The following RAVER2 variants were observed in gnomAD, a reference collection of about 807,000 sequenced individuals.
The protein encoded by RAVER2 is ribonucleoprotein, PTB binding 2.
In RAVER2, 46 loss-of-function variants were observed where a neutral mutation model predicts 78.1. The observed-to-expected ratio is 0.59, with a 90% CI of 0.46 to 0.75. RAVER2 has a LOEUF of 0.75. Among genes scored for constraint, RAVER2 ranks in the 30% least tolerant of loss-of-function variants. RAVER2 has a pLI of 0.00. For missense variants in RAVER2, 793 were observed against 837.5 expected, an observed-to-expected ratio of 0.95 and a Z score of 0.66; for synonymous variants, 311 against 313.3, an observed-to-expected ratio of 0.99 and a Z score of 0.08.
chr1:64,757,168 G>T (rs548259423), intron 1 of RAVER2, among the ~76,000 whole-genome samples: 1 of 152,350 alleles, frequency 6.6e-6, no homozygotes, highest in African/African-American at 2.4e-5. Context: ...CATTCACTGA[G>T]TATGTCCTTT....
At chr1:64,761,453 C>T (rs1174541083) in intron 1 of RAVER2, among the ~76,000 whole-genome samples, 1 of 152,282 alleles carries the variant, frequency 6.6e-6, no homozygotes, top group East Asian at 1.9e-4. Context: ...TGGAGATTAA[C>T]TATCATGAAG....
Position 64,745,365 on chromosome 1 carries a change from C to T in RAVER2, c.193C>T (p.Leu65=). 6.5e-7 allele frequency: 1 copy of T among 1,543,654 alleles called. No individual in the cohort carries two copies. Among genetic ancestry groups the T allele is most frequent in the South Asian group, 1.2e-5 (1 of 83,936 alleles). ...GCGACTGCAGCGGATGCAGCGGGAG[C>T]TGAGCAACCGCAGGAAAATCCTGGT... The change falls in exon 1 of 12, where the codon CTG becomes TTG. Residue 65 remains leucine (L), a synonymous_variant. Coordinates refer to ENST00000294428, the Ensembl canonical transcript of RAVER2. The surrounding 1 kb of genome is among the most constrained non-coding windows in gnomAD (Gnocchi z 4.3).
chr1:64,785,676 C>T (rs913074109), intron 4 of RAVER2, among the ~76,000 whole-genome samples: 4 of 151,796 alleles, frequency 2.6e-5, no homozygotes, highest in African/African-American at 9.7e-5. Flanking sequence ...GCCAATTGTC[C>T]CTAACTTTTT....
intron 3 of RAVER2, among the ~76,000 whole-genome samples, chr1:64,779,020 GT>G: frequency 6.7e-6 from 1 of 149,168 alleles, no homozygotes; most frequent in Non-Finnish European, 1.5e-5. Context: ...TAAGTTGACA[GT>G]TAAAATTGTA....
rs373725323 is a variant in RAVER2, at chr1:64,769,464, G to A, written c.316+742G>A. On this transcript the variant is annotated intron_variant, in intron 2 of 11. Transcript: ENST00000294428. ...CAATTTATGCAATTACATTTTGATA[G>A]CCATTAAAGCTGTTCACAAATTCTT... Among the ~76,000 whole-genome samples the A allele has an allele frequency of 2.1e-4, 32 of 152,156 alleles. 7 individuals are homozygous for A. Among genetic ancestry groups the A allele is most frequent in the Admixed American group, 3.9e-4 (6 of 15,260 alleles).
chr1:64,767,961 C>A (rs562324985), intron 1 of RAVER2, among the ~76,000 whole-genome samples: 1 of 151,994 alleles, frequency 6.6e-6, no homozygotes, highest in East Asian at 1.9e-4. Context: ...CAGAATGAAC[C>A]ATAAACCAGT....
chr1:64,828,901 C>T (rs2100906653), intron 11 of RAVER2, among the ~76,000 whole-genome samples: 1 of 152,294 alleles, frequency 6.6e-6, no homozygotes, highest in South Asian at 2.1e-4. Flanking sequence ...TTTTATATCT[C>T]ACATTGGTGT....
At chr1:64,764,111 A>G (rs752279284) in intron 1 of RAVER2, among the ~76,000 whole-genome samples, 1 of 152,208 alleles carries the variant, frequency 6.6e-6, no homozygotes, top group African/African-American at 2.4e-5. Flanking sequence ...TGAATATTGT[A>G]CAGCAATAAA....
At chr1:64,777,032 A>G (rs371703771) in intron 2 of RAVER2, among the ~76,000 whole-genome samples, 2 of 152,264 alleles carry the variant, frequency 1.3e-5, no homozygotes, top group East Asian at 3.9e-4. Context: ...AAGTGTACCA[A>G]ATTAAAAGTG....
At chr1:64,812,681 A>ATTTTTAT (rs1277516129) in intron 9 of RAVER2, 57 bp from the exon 10 acceptor site, 3 of 1,139,532 alleles carry the variant, frequency 2.6e-6, no homozygotes, top group Non-Finnish European at 2.5e-6. Flanking sequence ...TCTATTCTTT[A>ATTTTTAT]TTTTTATTTT....
intron 5 of RAVER2, among the ~76,000 whole-genome samples, chr1:64,802,701 G>A (rs988417514): frequency 6.6e-6 from 1 of 152,140 alleles, no homozygotes. Flanking sequence ...AGGTGGATGT[G>A]TTTTGTTGCA....
chr1:64,764,651 C>T (rs1035408063), intron 1 of RAVER2, among the ~76,000 whole-genome samples: 3 of 152,146 alleles, frequency 2.0e-5, no homozygotes, highest in South Asian at 4.1e-4. Flanking sequence ...ATACAGTTAA[C>T]AACAAAAGGT....
chr1:64,814,650 T>G (rs948405987), intron 10 of RAVER2, 54 bp from the exon 11 acceptor site: 17 of 1,011,070 alleles, frequency 1.7e-5, no homozygotes, highest in Non-Finnish European at 1.8e-5. Context: ...CTAAATAAAA[T>G]AAATTTATAA....
At position 64,794,440 on chromosome 1, in the gene RAVER2, G is replaced by A. The variant is rs371650864; in HGVS notation, c.1105+4926G>A. 2.1e-4 allele frequency among the ~76,000 whole-genome samples: 32 copies of A among 150,112 alleles called. 7 individuals carry two copies. The highest frequency in any genetic ancestry group is 4.0e-4 in the Admixed American group (6 of 15,064). On this transcript the variant is annotated intron_variant, in intron 5 of 11. Transcript: ENST00000294428. The stretch of plus-strand genomic sequence containing the variant: ...AAACTGCCCAGCTGTTTTCCAATGT[G>A]GTTGAGCCATTTTACATACTCACCA...
At chr1:64,822,123 C>T (rs1476329953) in intron 11 of RAVER2, among the ~76,000 whole-genome samples, 2 of 152,128 alleles carry the variant, frequency 1.3e-5, no homozygotes, top group African/African-American at 2.4e-5. Flanking sequence ...CCCGTCTCTA[C>T]TAAAAATACA....
chr1:64,767,298 T>C (rs1235837199), intron 1 of RAVER2, among the ~76,000 whole-genome samples: 1 of 152,060 alleles, frequency 6.6e-6, no homozygotes, highest in Non-Finnish European at 1.5e-5. Context: ...TTAATGATAG[T>C]GTACTGTTTT....
intron 5 of RAVER2, among the ~76,000 whole-genome samples, chr1:64,793,291 A>G (rs140251034): frequency 6.6e-6 from 1 of 152,312 alleles, no homozygotes; most frequent in East Asian, 1.9e-4. Context: ...CATATATTAT[A>G]CAGGTACTTG....
intron 1 of RAVER2, among the ~76,000 whole-genome samples, chr1:64,750,033 A>T (rs567168942): frequency 2.0e-5 from 3 of 152,314 alleles, no homozygotes; most frequent in African/African-American, 7.2e-5. Flanking sequence ...TTAGAAGACA[A>T]TGTGAAGTGC....
At chr1:64,813,875 G>GT (rs1653690604) in intron 10 of RAVER2, among the ~76,000 whole-genome samples, 1 of 140,844 alleles carries the variant, frequency 7.1e-6, no homozygotes, top group Non-Finnish European at 1.6e-5. Flanking sequence ...ACACACACAC[G>GT]TTTTGTTTTG....
Sources: gnomAD v4.1 joint callset for allele counts (sites outside exome capture counted in the v4.1 genomes callset) on GRCh38, gnomAD v4.1.1 for gene constraint, Gnocchi (gnomAD v3.1) non-coding constraint, MANE v1.5 for transcripts, NCBI Gene and HGNC (gene_info 2026-07-23, HGNC 2026-07-21) for gene names.